Variants in ADAMTSL3 observed in about 807,000 individuals in gnomAD.
ADAMTSL3 encodes ADAMTS like 3.
In ADAMTSL3, 128 loss-of-function variants were observed where a neutral mutation model predicts 201.7. The observed-to-expected ratio is 0.63, with a 90% CI of 0.55 to 0.73. The LOEUF (loss-of-function observed/expected upper bound fraction) is 0.73, where lower values mean the gene tolerates loss of function less well. ADAMTSL3 is among the 30% of genes least tolerant of loss of function. The pLI, the probability that ADAMTSL3 is intolerant of heterozygous loss-of-function variation, is 0.00. For missense variants in ADAMTSL3, 1,990 were observed against 2,119.6 expected, an observed-to-expected ratio of 0.94 and a Z score of 1.20; for synonymous variants, 738 against 748.4, an observed-to-expected ratio of 0.99 and a Z score of 0.23.
intron 28 of ADAMTSL3, among the ~76,000 whole-genome samples, chr15:84,034,575 C>T (rs1257674492): frequency 1.3e-5 from 2 of 152,048 alleles, no homozygotes; most frequent in African/African-American, 2.4e-5. Context: ...CTCAAAGTGG[C>T]GATTTCTAAC....
chr15:83,692,163 AT>A (rs2061617626), intron 2 of ADAMTSL3, among the ~76,000 whole-genome samples: 1 of 147,494 alleles, frequency 6.8e-6, no homozygotes, highest in South Asian at 2.1e-4. Flanking sequence ...TTTCCTGCTG[AT>A]TTATGACTCC....
intron 23 of ADAMTSL3, among the ~76,000 whole-genome samples, chr15:83,997,084 CA>C (rs1265117922): frequency 6.6e-6 from 1 of 152,120 alleles, no homozygotes; most frequent in Non-Finnish European, 1.5e-5. Flanking sequence ...CTGATCAAGT[CA>C]AAGATGCTCA....
intron 19 of ADAMTSL3, among the ~76,000 whole-genome samples, chr15:83,966,706 A>G (rs1300251972): frequency 2.0e-5 from 3 of 151,972 alleles, no homozygotes; most frequent in Non-Finnish European, 4.4e-5. Context: ...TGATACCAAA[A>G]CCTGGCAGAA....
At chr15:83,804,105 T>C (rs2063564888) in intron 4 of ADAMTSL3, among the ~76,000 whole-genome samples, 1 of 152,006 alleles carries the variant, frequency 6.6e-6, no homozygotes, top group Non-Finnish European at 1.5e-5. Flanking sequence ...ATCAAGCCAT[T>C]GCACTCCAGC....
chr15:83,871,944 A>G (rs2065088368), intron 9 of ADAMTSL3, among the ~76,000 whole-genome samples: 1 of 152,186 alleles, frequency 6.6e-6, no homozygotes, highest in African/African-American at 2.4e-5. Flanking sequence ...TGTTCTACAT[A>G]TTAATTTGTC....
At chr15:83,677,225 C>G (rs1056795354) in intron 2 of ADAMTSL3, among the ~76,000 whole-genome samples, 1 of 151,386 alleles carries the variant, frequency 6.6e-6, no homozygotes, top group Non-Finnish European at 1.5e-5. Flanking sequence ...TCCATGGGCA[C>G]TCTTGAAAAA....
chr15:83,892,744 G>A lies in ADAMTSL3; in HGVS notation c.1323G>A (p.Arg441=). Residue 441 remains arginine, a synonymous_variant, in exon 13 of 30, where the codon CGG becomes CGA. Transcript: ENST00000286744. The part of the protein sequence containing the change: ...SVSCGGGIQR[R]SFVCVEESMH... ...CCTGTGGAGGAGGGATTCAGAGACG[G>A]AGCTTTGTGTGTGTAGAGGAATCCA... 6.2e-7 allele frequency: 1 copy of A among 1,614,090 alleles called. No homozygotes were observed. The highest frequency in any genetic ancestry group is 1.1e-5 in the South Asian group (1 of 91,074).
intron 13 of ADAMTSL3, among the ~76,000 whole-genome samples, chr15:83,896,022 G>A (rs972605964): frequency 6.6e-5 from 10 of 152,162 alleles, no homozygotes; most frequent in Admixed American, 2.0e-4. Context: ...TGCTTAGGGG[G>A]TCAGAAAATA....
At chr15:83,889,475 A>T (rs1049144484) in intron 10 of ADAMTSL3, among the ~76,000 whole-genome samples, 2 of 152,350 alleles carry the variant, frequency 1.3e-5, no homozygotes, top group Admixed American at 1.3e-4. Flanking sequence ...AAAACGGAAC[A>T]AGATTTAAAA....
chr15:83,992,323 C>T (rs1036433193), intron 23 of ADAMTSL3, among the ~76,000 whole-genome samples: 2 of 152,178 alleles, frequency 1.3e-5, no homozygotes, highest in Non-Finnish European at 2.9e-5. Flanking sequence ...TTGCTAACCC[C>T]CAAGATATTG....
intron 2 of ADAMTSL3, among the ~76,000 whole-genome samples, chr15:83,686,781 C>T (rs796195622): frequency 1.8e-4 from 27 of 152,196 alleles, no homozygotes; most frequent in African/African-American, 6.5e-4. Context: ...TTTCCTTCTC[C>T]TCAGAACTTT....
intron 2 of ADAMTSL3, among the ~76,000 whole-genome samples, chr15:83,667,297 C>G (rs936902982): frequency 6.6e-6 from 1 of 152,098 alleles, no homozygotes; most frequent in Non-Finnish European, 1.5e-5. Flanking sequence ...TAAGGCAAGA[C>G]CTCCCTTCAT....
intron 27 of ADAMTSL3, 135 bp from the exon 28 acceptor site, chr15:84,031,192 CCTCTTTAA>C: frequency 1.3e-6 from 1 of 759,926 alleles, no homozygotes; most frequent in Non-Finnish European, 2.2e-6. Context: ...GTACCCTAAT[CCTCTTTAA>C]CTCCCCCCTG....
At chr15:83,804,318 GA>G (rs1413535614) in intron 4 of ADAMTSL3, among the ~76,000 whole-genome samples, 1 of 152,144 alleles carries the variant, frequency 6.6e-6, no homozygotes, top group Non-Finnish European at 1.5e-5. Context: ...TTTCATTATA[GA>G]AAAGAATACA....
chr15:83,768,495 G>T (rs1467277382), intron 3 of ADAMTSL3, among the ~76,000 whole-genome samples: 1 of 152,146 alleles, frequency 6.6e-6, no homozygotes, highest in African/African-American at 2.4e-5. Flanking sequence ...TTGTATTCTG[G>T]ACCCTACATT....
intron 10 of ADAMTSL3, among the ~76,000 whole-genome samples, chr15:83,888,141 C>G (rs1288840995): frequency 6.6e-6 from 1 of 152,156 alleles, no homozygotes; most frequent in Admixed American, 6.5e-5. Context: ...GCAGTGAGAT[C>G]GTCTCCAAAG....
chr15:83,843,043 TTC>T (rs201522983), intron 7 of ADAMTSL3, among the ~76,000 whole-genome samples: 111 of 151,960 alleles, frequency 7.3e-4, no homozygotes, highest in African/African-American at 2.5e-3. Context: ...TAGTTCATTA[TTC>T]TCTCTCTCTC....
intron 2 of ADAMTSL3, among the ~76,000 whole-genome samples, chr15:83,702,391 C>T (rs2061789415): frequency 6.6e-6 from 1 of 152,190 alleles, no homozygotes; most frequent in Non-Finnish European, 1.5e-5. Flanking sequence ...TGCTAATTCC[C>T]AGAACTATGG....
rs990470535 is a variant in ADAMTSL3 at position 83,865,633 on chromosome 15, A to C, written c.803-5169A>C. 2.6e-5 allele frequency among the ~76,000 whole-genome samples: 4 copies of C among 152,322 alleles called. No homozygotes were observed. The South Asian group carries it at 6.2e-4, about 24-fold the overall frequency. ...TAATTCAAGATGGATTAAAGACTTA[A>C]ATGTTTGACCTAAAACCATAAAAAC... On this transcript the variant is annotated intron_variant, in intron 8 of 29. Coordinates refer to ENST00000286744, the MANE Select transcript of ADAMTSL3 (RefSeq NM_207517.3).
Sources: allele counts gnomAD v4.1 joint callset (sites outside exome capture counted in the v4.1 genomes callset), GRCh38; gene constraint gnomAD v4.1.1; transcripts MANE v1.5; gene names NCBI Gene and HGNC (gene_info 2026-07-23, HGNC 2026-07-21).